RIMS2: variants seen among roughly 807,000 people sequenced by gnomAD.
The protein encoded by RIMS2 is regulating synaptic membrane exocytosis 2.
In RIMS2, 59 loss-of-function variants were observed where a neutral mutation model predicts 174.4. That is an observed-to-expected ratio of 0.34 (90% CI 0.27 to 0.42). The LOEUF is 0.42. Among genes scored for constraint, RIMS2 ranks in the 10% least tolerant of loss-of-function variants. RIMS2 has a pLI of 1.00. For synonymous variants in RIMS2, 606 were observed against 572.5 expected (o/e 1.06, Z -0.84); for missense variants, 1,620 against 1,666.3 (o/e 0.97, Z 0.48).
chr8:103,896,825 C>T (rs1280918969), intron 4 of RIMS2, among the ~76,000 whole-genome samples: 1 of 151,558 alleles, frequency 6.6e-6, no homozygotes. Flanking sequence ...ATAAGGACTT[C>T]TTATATGATG....
At chr8:103,735,324 T>C (rs2097672277) in intron 2 of RIMS2, among the ~76,000 whole-genome samples, 1 of 152,218 alleles carries the variant, frequency 6.6e-6, no homozygotes, top group Non-Finnish European at 1.5e-5. Flanking sequence ...TTACTTTCTA[T>C]AGCCTAAGCA....
chr8:103,863,787 T>C (rs932984483), intron 3 of RIMS2, among the ~76,000 whole-genome samples: 1 of 152,116 alleles, frequency 6.6e-6, no homozygotes, highest in African/African-American at 2.4e-5. Flanking sequence ...TAATGTCACC[T>C]TTATTGTTTC....
intron 3 of RIMS2, among the ~76,000 whole-genome samples, chr8:103,803,355 G>T (rs1024600688): frequency 5.3e-5 from 8 of 152,022 alleles, no homozygotes; most frequent in African/African-American, 1.9e-4. Flanking sequence ...TAAAGTGGTG[G>T]TTCTCAAACT....
At chr8:103,777,218 A>C (rs1358706257) in intron 3 of RIMS2, among the ~76,000 whole-genome samples, 1 of 152,046 alleles carries the variant, frequency 6.6e-6, no homozygotes, top group Non-Finnish European at 1.5e-5. Flanking sequence ...TTAAGAAAAA[A>C]GGAGAAAGAA....
intron 1 of RIMS2, among the ~76,000 whole-genome samples, chr8:103,660,841 A>G (rs2096591787): frequency 6.6e-6 from 1 of 152,256 alleles, no homozygotes; most frequent in African/African-American, 2.4e-5. Flanking sequence ...ACTTAGAAAA[A>G]TTGATAAAAG....
chr8:103,635,731 A>G (rs1279833322), intron 1 of RIMS2, among the ~76,000 whole-genome samples: 1 of 151,930 alleles, frequency 6.6e-6, no homozygotes, highest in African/African-American at 2.4e-5. Flanking sequence ...GTTTGGCCAC[A>G]TTTTGGCGGA....
intron 1 of RIMS2, among the ~76,000 whole-genome samples, chr8:103,564,182 T>G (rs975181822): frequency 4.6e-5 from 7 of 152,162 alleles, no homozygotes; most frequent in Non-Finnish European, 8.8e-5. Context: ...ATCTCTTTGT[T>G]CAACTCATCC....
At chr8:103,752,755 C>A (rs201480027) in intron 2 of RIMS2, among the ~76,000 whole-genome samples, 3 of 152,138 alleles carry the variant, frequency 2.0e-5, no homozygotes, top group African/African-American at 4.8e-5. Context: ...GGTGTATAAG[C>A]ATGCTTGTGA....
chr8:103,552,344 G>A (rs577161277), intron 1 of RIMS2, among the ~76,000 whole-genome samples: 26 of 152,234 alleles, frequency 1.7e-4, no homozygotes, highest in African/African-American at 6.0e-4. Flanking sequence ...AACAAGAAAT[G>A]GGGAAAGGAT....
intron 1 of RIMS2, among the ~76,000 whole-genome samples, chr8:103,575,991 G>C (rs2093203175): frequency 1.3e-5 from 2 of 152,316 alleles, no homozygotes; most frequent in South Asian, 2.1e-4. Flanking sequence ...AACATCAGGA[G>C]TACCTGAAGG....
intron 17 of RIMS2, among the ~76,000 whole-genome samples, chr8:103,994,474 A>G (rs189316620): frequency 2.7e-4 from 41 of 152,226 alleles, no homozygotes; most frequent in African/African-American, 9.2e-4. Context: ...TTTTAATATA[A>G]CTTACTTTAT....
chr8:103,734,014 C>A (rs916199830), intron 2 of RIMS2, among the ~76,000 whole-genome samples: 2 of 85,736 alleles, frequency 2.3e-5, no homozygotes, highest in Non-Finnish European at 4.0e-5. Context: ...CTAAAAGCTT[C>A]TTTTTTTTTT....
chr8:103,686,758 G>A (rs2096944789), intron 1 of RIMS2, among the ~76,000 whole-genome samples: 1 of 151,940 alleles, frequency 6.6e-6, no homozygotes, highest in Admixed American at 6.6e-5. Context: ...ATTTCTTCCA[G>A]TATCTTTGTA....
chr8:103,925,351 T>C (rs2078565639), intron 10 of RIMS2, among the ~76,000 whole-genome samples: 1 of 151,728 alleles, frequency 6.6e-6, no homozygotes, highest in African/African-American at 2.4e-5. Flanking sequence ...TTAAAAGGAA[T>C]ACATAATTTA....
At chr8:104,221,172 T>G (rs2099153251) in intron 19 of RIMS2, among the ~76,000 whole-genome samples, 2 of 152,284 alleles carry the variant, frequency 1.3e-5, no homozygotes, top group South Asian at 4.1e-4. Flanking sequence ...TTACATAAAG[T>G]ATTTTATTAC....
chr8:103,617,753 A>C (rs1172787495), intron 1 of RIMS2, among the ~76,000 whole-genome samples: 2 of 152,210 alleles, frequency 1.3e-5, no homozygotes, highest in African/African-American at 4.8e-5. Context: ...CATATGAAAA[A>C]AATTCAGTAT....
At chr8:104,220,355 C>G (rs2099149549) in intron 19 of RIMS2, among the ~76,000 whole-genome samples, 1 of 152,146 alleles carries the variant, frequency 6.6e-6, no homozygotes, top group Admixed American at 6.5e-5. Context: ...ATGTAGTAGA[C>G]ACATCTAGAC....
At chr8:103,870,349 T>A (rs868603569) in intron 3 of RIMS2, among the ~76,000 whole-genome samples, 2 of 150,854 alleles carry the variant, frequency 1.3e-5, no homozygotes, top group Non-Finnish European at 3.0e-5. Flanking sequence ...ACCACTCTTA[T>A]CACCACCACC....
At chr8:104,068,567 G>T in intron 19 of RIMS2, 1 of 1,573,964 alleles carries the variant, frequency 6.4e-7, no homozygotes, top group East Asian at 2.3e-5. Context: ...AATACAAACA[G>T]GTAGCCGGAT....
Sources: gnomAD v4.1 joint callset for allele counts (sites outside exome capture counted in the v4.1 genomes callset) on GRCh38, gnomAD v4.1.1 for gene constraint, MANE v1.5 for transcripts, NCBI Gene and HGNC (gene_info 2026-07-23, HGNC 2026-07-21) for gene names.